The following RARB variants were observed in gnomAD, a reference collection of about 807,000 sequenced individuals.
RARB encodes HBV-activated protein.
A neutral mutation model predicts 51.9 loss-of-function variants in RARB; 17 were observed. That is an observed-to-expected ratio of 0.33 (90% CI 0.22 to 0.49). The LOEUF (loss-of-function observed/expected upper bound fraction) is 0.49, where lower values mean the gene tolerates loss of function less well. RARB is among the 20% of genes least tolerant of loss of function. RARB has a pLI of 0.99. For synonymous variants in RARB, 215 were observed against 195.4 expected, an observed-to-expected ratio of 1.10 and a Z score of -0.84; for missense variants, 369 against 550.8, an observed-to-expected ratio of 0.67 and a Z score of 3.30.
At chr3:25,031,956 T>C (rs1697885545) in intron 2 of RARB, among the ~76,000 whole-genome samples, 1 of 152,164 alleles carries the variant, frequency 6.6e-6, no homozygotes, top group Non-Finnish European at 1.5e-5. Flanking sequence ...TTCTTAACAC[T>C]ATTGTTAGAG....
intron 3 of RARB, among the ~76,000 whole-genome samples, chr3:25,111,584 T>G (rs1478388716): frequency 2.3e-4 from 2 of 8,756 alleles, no homozygotes; most frequent in South Asian, 4.3e-3. Context: ...CTAACAGTGG[T>G]TTTTTTTTTT....
chr3:25,496,982 T>G (rs900373857), intron 2 of RARB, among the ~76,000 whole-genome samples: 8 of 152,298 alleles, frequency 5.3e-5, no homozygotes, highest in Non-Finnish European at 1.0e-4. Flanking sequence ...CCTCCCGGGT[T>G]CAAGCGATTC....
At chr3:25,504,491 G>A (rs942017634) in intron 3 of RARB, among the ~76,000 whole-genome samples, 4 of 152,108 alleles carry the variant, frequency 2.6e-5, no homozygotes, top group Non-Finnish European at 5.9e-5. Context: ...TGGATCATGT[G>A]TCAATATCTA....
chr3:25,388,699 T>C (rs1241384749), intron 5 of RARB, among the ~76,000 whole-genome samples: 3 of 152,192 alleles, frequency 2.0e-5, no homozygotes, highest in Admixed American at 2.0e-4. Context: ...GAGCTTAGCA[T>C]AAGAAAGTAG....
At chr3:25,033,620 C>T (rs1286466925) in intron 2 of RARB, among the ~76,000 whole-genome samples, 1 of 152,114 alleles carries the variant, frequency 6.6e-6, no homozygotes, top group Non-Finnish European at 1.5e-5. Context: ...AGAGCTCCCC[C>T]TGGAGGACAG....
intron 3 of RARB, among the ~76,000 whole-genome samples, chr3:25,089,032 CTG>C (rs1003605848): frequency 6.6e-6 from 1 of 151,678 alleles, no homozygotes; most frequent in African/African-American, 2.4e-5. Context: ...GAGTAAGAGT[CTG>C]TGAAACTTTC....
chr3:24,995,175 T>G (rs1696995050), intron 2 of RARB, among the ~76,000 whole-genome samples: 1 of 151,846 alleles, frequency 6.6e-6, no homozygotes, highest in Non-Finnish European at 1.5e-5. Flanking sequence ...TCATCAGTGT[T>G]TTGTAGTTTT....
chr3:25,345,003 G>A (rs1009144047), intron 5 of RARB, among the ~76,000 whole-genome samples: 5 of 152,132 alleles, frequency 3.3e-5, no homozygotes, highest in Admixed American at 6.5e-5. Context: ...TTCTCTTTAT[G>A]CTTGTTTTTT....
chr3:25,535,574 C>T (rs780909085), intron 3 of RARB, among the ~76,000 whole-genome samples: 4 of 152,074 alleles, frequency 2.6e-5, no homozygotes, highest in African/African-American at 7.2e-5. Flanking sequence ...CCCCAGCCCC[C>T]GACAGGCCCT....
chr3:25,535,411 C>CTTTT (rs3074714), intron 3 of RARB, among the ~76,000 whole-genome samples: 6,865 of 138,184 alleles, frequency 0.05, 212 homozygotes, highest in Non-Finnish European at 0.074. Flanking sequence ...GTCCTTATCT[C>CTTTT]TTTTTTTTTT....
chr3:25,000,477 G>A (rs1036862015), intron 2 of RARB, among the ~76,000 whole-genome samples: 6 of 151,926 alleles, frequency 3.9e-5, no homozygotes, highest in African/African-American at 1.5e-4. Flanking sequence ...CTTATTTCAG[G>A]GTTTTTCCCT....
In RARB at chr3:25,105,422, CAAA is replaced by C. The variant is rs755388268; in HGVS notation, c.-327-26723_-327-26721del. ...GACAGCTGTTTAGTGTATACATGTG[CAAA>C]AAAAAAAAAAAAAAAGAAGATTTGT... is the stretch of plus-strand genomic sequence containing the variant. On this transcript the variant is annotated intron_variant, in intron 3 of 11. Transcript: ENST00000383772. Among the ~76,000 whole-genome samples the C allele has an allele frequency of 6.1e-4, 32 of 52,084 alleles. 1 individual carries two copies. In the East Asian group the frequency reaches 6.5e-3, roughly 11 times the overall value. The allele number at this position is 52,084 out of a possible 152,430, so 34.2% of individuals were successfully genotyped here. A position where few individuals can be genotyped will look rare whatever the true frequency, so the allele number is the denominator to read the frequency against.
At chr3:25,217,930 A>C (rs1050490922) in intron 5 of RARB, among the ~76,000 whole-genome samples, 1 of 152,158 alleles carries the variant, frequency 6.6e-6, no homozygotes, top group African/African-American at 2.4e-5. Context: ...TCCATTAGGC[A>C]ACATGTTCAA....
At chr3:24,918,604 T>G (rs1226341907) in intron 2 of RARB, among the ~76,000 whole-genome samples, 1 of 152,212 alleles carries the variant, frequency 6.6e-6, no homozygotes, top group Admixed American at 6.5e-5. Flanking sequence ...AGACTAGGGC[T>G]GGGCACAGTG....
intron 2 of RARB, among the ~76,000 whole-genome samples, chr3:24,897,407 A>G (rs1034847067): frequency 2.0e-5 from 3 of 152,180 alleles, no homozygotes; most frequent in African/African-American, 7.2e-5. Flanking sequence ...TGTCTGAATT[A>G]CACTTTTGCA....
chr3:24,940,290 C>T (rs890056265), intron 2 of RARB, among the ~76,000 whole-genome samples: 3 of 151,820 alleles, frequency 2.0e-5, no homozygotes, highest in Non-Finnish European at 2.9e-5. Context: ...GGGAGCAGCT[C>T]GGTGGGTGGG....
At chr3:25,128,100 T>C (rs1699890268) in intron 3 of RARB, among the ~76,000 whole-genome samples, 1 of 152,104 alleles carries the variant, frequency 6.6e-6, no homozygotes, top group African/African-American at 2.4e-5. Flanking sequence ...GTACTCTGGT[T>C]CACTGGGGTA....
intron 1 of RARB, among the ~76,000 whole-genome samples, chr3:24,838,429 G>T (rs551727232): frequency 6.6e-6 from 1 of 152,144 alleles, no homozygotes; most frequent in African/African-American, 2.4e-5. Context: ...TGCTTACCAG[G>T]GCCCATGAAG....
intron 5 of RARB, among the ~76,000 whole-genome samples, chr3:25,363,957 T>G (rs1000159106): frequency 2.0e-5 from 3 of 152,188 alleles, no homozygotes; most frequent in Non-Finnish European, 2.9e-5. Context: ...TATAGATCTT[T>G]CCTTAACTTC....
Sources: allele counts gnomAD v4.1 joint callset (sites outside exome capture counted in the v4.1 genomes callset), GRCh38; gene constraint gnomAD v4.1.1; transcripts MANE v1.5; gene names NCBI Gene and HGNC (gene_info 2026-07-23, HGNC 2026-07-21).